MAP3K1: variants seen among roughly 807,000 people sequenced by gnomAD.
MAP3K1 encodes MAP/ERK kinase kinase 1.
In MAP3K1, 36 loss-of-function variants were observed where a neutral mutation model predicts 144.2. That is an observed-to-expected ratio of 0.25 (90% CI 0.19 to 0.33). The LOEUF (loss-of-function observed/expected upper bound fraction) is 0.33. Ranked by LOEUF, MAP3K1 falls within the 10% of genes least tolerant of loss-of-function variation. The pLI is 1.00. For synonymous variants in MAP3K1, 718 were observed against 688.7 expected, an observed-to-expected ratio of 1.04 and a Z score of -0.67; for missense variants, 1,650 against 1,881.9, an observed-to-expected ratio of 0.88 and a Z score of 2.28.
chr5:56,830,895 T>A (rs920422563), intron 1 of MAP3K1, among the ~76,000 whole-genome samples: 3 of 151,656 alleles, frequency 2.0e-5, no homozygotes, highest in African/African-American at 4.8e-5. Flanking sequence ...GTTTTTTTTT[T>A]AAATACCTAG....
intron 1 of MAP3K1, among the ~76,000 whole-genome samples, chr5:56,826,097 T>G (rs1490706118): frequency 6.6e-6 from 1 of 152,210 alleles, no homozygotes; most frequent in African/African-American, 2.4e-5. Flanking sequence ...ATTCCAGCTC[T>G]GTCCTGCAGC....
intron 1 of MAP3K1, among the ~76,000 whole-genome samples, chr5:56,818,593 T>A (rs1481648720): frequency 6.6e-6 from 1 of 152,180 alleles, no homozygotes; most frequent in Non-Finnish European, 1.5e-5. Context: ...TCAGTGAAAG[T>A]GCCTGTAAGT....
chr5:56,879,552 A>C (rs554701529), intron 11 of MAP3K1, among the ~76,000 whole-genome samples: 1 of 139,336 alleles, frequency 7.2e-6, no homozygotes, highest in Non-Finnish European at 1.6e-5. Context: ...TACTCTACTT[A>C]TGACAGTTTT....
At chr5:56,886,808 C>T (rs1421439700) in intron 17 of MAP3K1, among the ~76,000 whole-genome samples, 1 of 152,154 alleles carries the variant, frequency 6.6e-6, no homozygotes, top group Non-Finnish European at 1.5e-5. Flanking sequence ...GTCACTCAGG[C>T]TGGAGTGTAG....
In MAP3K1 at chr5:56,815,858, C is replaced by T. The variant is rs1227856608; in HGVS notation, c.285C>T (p.Pro95=). ...CCTCGACTTCCCCGTCGCCGGAGCCCGCGGACGCAGCGGGGAGTGGGACCG... is the reference window on the plus strand; with the variant it reads ...CCTCGACTTCCCCGTCGCCGGAGCCTGCGGACGCAGCGGGGAGTGGGACCG... The part of the protein sequence containing the change: ...PASSTSPSPE[P]ADAAGSGTGF... The change falls in exon 1 of 20, where the codon CCC becomes CCT. Residue 95 remains proline (P), a synonymous_variant. Transcript: ENST00000399503. 1.4e-6 allele frequency: 2 copies of T among 1,399,304 alleles called. No homozygotes were observed. The highest frequency in any genetic ancestry group is 1.5e-5 in the South Asian group (1 of 66,818). 86.7% of individuals were successfully genotyped at this position (1,399,304 alleles called of 1,614,324 possible). A position where few individuals can be genotyped will look rare whatever the true frequency, so the allele number is the denominator to read the frequency against.
chr5:56,819,874 AAT>A (rs1487851805), intron 1 of MAP3K1, among the ~76,000 whole-genome samples: 2 of 152,214 alleles, frequency 1.3e-5, no homozygotes, highest in South Asian at 2.1e-4. Context: ...GTAGACTATT[AAT>A]GTGAGGAAAT....
In MAP3K1 at chr5:56,887,451, A is replaced by C. The variant is rs777175997; in HGVS notation, c.4188A>C (p.Ala1396=). 6.2e-7 allele frequency: 1 copy of C among 1,614,212 alleles called. No homozygotes were observed. Among genetic ancestry groups the C allele is most frequent in the South Asian group, 1.1e-5 (1 of 91,092 alleles). Residue 1396 remains alanine, a synonymous_variant, in exon 18 of 20, where the codon GCA becomes GCC. Coordinates refer to ENST00000399503, the MANE Select transcript of MAP3K1 (RefSeq NM_005921.2). ...IADFGAAARL[A]SKGTGAGEFQ... is the part of the protein sequence containing the mutation. The stretch of plus-strand genomic sequence containing the variant: ...ATTTTGGAGCTGCAGCCAGGTTGGC[A>C]TCAAAAGGAACTGGTGCAGGAGAGT...
intron 1 of MAP3K1, among the ~76,000 whole-genome samples, chr5:56,828,965 T>C (rs1746401037): frequency 6.6e-6 from 1 of 152,148 alleles, no homozygotes; most frequent in Non-Finnish European, 1.5e-5. Flanking sequence ...AATTATATTT[T>C]GGGGGTTTTT....
chr5:56,820,252 G>C (rs1746113312), intron 1 of MAP3K1: 1 of 172,162 alleles, frequency 5.8e-6, no homozygotes, highest in African/African-American at 2.4e-5. Flanking sequence ...CATCTGAGAT[G>C]GTAAAACCTC....
In MAP3K1 at chr5:56,872,594, G is replaced by A. The variant is rs373080873; in HGVS notation, c.1424-47G>A. The A allele has an allele frequency of 1.2e-4, 134 of 1,074,854 alleles. 1 individual carries two copies. In the African/African-American group the frequency reaches 1.7e-3, roughly 14 times the overall value. The allele number at this position is 1,074,854 out of a possible 1,614,324, so 66.6% of individuals were successfully genotyped here. ...TAAACAGTTATGAAATAAAAATAAT[G>A]TTAAACATTTACATTTTTGTAAGAT... On this transcript the variant is annotated intron_variant, in intron 7 of 19. Coordinates refer to ENST00000399503, the MANE Select transcript of MAP3K1 (RefSeq NM_005921.2).
At chr5:56,884,480 A>C (rs1423351827) in intron 15 of MAP3K1, among the ~76,000 whole-genome samples, 184 bp from the exon 16 acceptor site, 3 of 152,152 alleles carry the variant, frequency 2.0e-5, no homozygotes, top group African/African-American at 7.2e-5. Context: ...TCTGATGTTT[A>C]CTGCTGCTTA....
At position 56,859,789 on chromosome 5, in the gene MAP3K1, C is replaced by A. The variant is rs1411868264; in HGVS notation, c.708C>A (p.Val236=). 1 of 1,613,982 alleles carries A rather than the reference C, an allele frequency of 6.2e-7. No individual in the cohort carries two copies. Among genetic ancestry groups the A allele is most frequent in the Non-Finnish European group, 8.5e-7 (1 of 1,179,974 alleles). ...NHLAAESPGE[V]QASAASPASK... is the part of the protein sequence containing the mutation. ...TAGCAGCTGAGTCTCCAGGAGAGGT[C>A]CAGGCAAGTGCGGCTTCACCAGCTT... Residue 236 remains valine (V), a synonymous_variant, in exon 3 of 20, where the codon GTC becomes GTA. Coordinates refer to ENST00000399503, the MANE Select transcript of MAP3K1 (RefSeq NM_005921.2).
chr5:56,829,448 A>C (rs1200968822), intron 1 of MAP3K1, among the ~76,000 whole-genome samples: 1 of 147,984 alleles, frequency 6.8e-6, no homozygotes, highest in Non-Finnish European at 1.5e-5. Context: ...TTGGCCTCCC[A>C]GAATGCCAGG....
At chr5:56,885,388 GTTC>G (rs10558478) in intron 16 of MAP3K1, among the ~76,000 whole-genome samples, 117,249 of 151,692 alleles carry the variant, frequency 0.77, 45,649 homozygotes, top group Non-Finnish European at 0.82. Flanking sequence ...TTACCAGTCA[GTTC>G]TTAAGTATGT....
intron 1 of MAP3K1, among the ~76,000 whole-genome samples, chr5:56,840,024 C>G (rs146518973): frequency 6.6e-6 from 1 of 152,218 alleles, no homozygotes; most frequent in Admixed American, 6.5e-5. Flanking sequence ...GCCATAGAAA[C>G]TTTCCCACTT....
chr5:56,859,860 G>A lies in MAP3K1; in HGVS notation c.779G>A (p.Arg260His), dbSNP rs768948038. The part of the protein sequence containing the change: ...SPSPGNSPSG[R>H]TVKSESPGVR... Reference sequence around the variant, plus strand: ...TCTCCTGGCAACTCCCCATCAGGTCGCACAGTGAAATCAGAATCTCCAGGA... The same window carrying A: ...TCTCCTGGCAACTCCCCATCAGGTCACACAGTGAAATCAGAATCTCCAGGA... Residue 260 changes from arginine (R) to histidine (H), a missense_variant, in exon 3 of 20, where the codon CGC becomes CAC. This residue lies in a region of MAP3K1 where 148 missense variants were observed against 177.2 expected (regional missense o/e 0.84). Coordinates refer to ENST00000399503, the MANE Select transcript of MAP3K1 (RefSeq NM_005921.2). 31 of 1,613,632 alleles carry A rather than the reference G, an allele frequency of 1.9e-5. 1 individual carries two copies. In the South Asian group the frequency reaches 2.6e-4, roughly 14 times the overall value.
Position 56,896,149 on chromosome 5 carries a change from C to A in MAP3K1, c.*2469C>A. The A allele has an allele frequency of 4.6e-6, 1 of 219,134 alleles. No individual in the cohort carries two copies. The highest frequency in any genetic ancestry group is 9.1e-6 in the Non-Finnish European group (1 of 109,410). 13.6% of individuals were successfully genotyped at this position (219,134 alleles called of 1,614,324 possible). ...TTTATAGTAAATAAAAGTTTTTGAA[C>A]AAATGTTGTTACTTTTATTTATTTT... On this transcript the variant is annotated 3_prime_UTR_variant, in exon 20 of 20. Transcript: ENST00000399503.
At position 56,815,720 on chromosome 5, in the gene MAP3K1, C is replaced by T. The variant is rs1561156277; in HGVS notation, c.147C>T (p.Ser49=). 7 of 1,331,282 alleles carry T rather than the reference C, an allele frequency of 5.3e-6. No individual in the cohort carries two copies. Among genetic ancestry groups the T allele is most frequent in the Non-Finnish European group, 6.7e-6 (7 of 1,040,330 alleles). 82.5% of individuals were successfully genotyped at this position (1,331,282 alleles called of 1,614,324 possible). The change falls in exon 1 of 20, where the codon AGC becomes AGT. Residue 49 remains serine, a synonymous_variant. Coordinates refer to ENST00000399503, the MANE Select transcript of MAP3K1 (RefSeq NM_005921.2). ...AAAGLLREAG[S]GGRERADWRR... is the part of the protein sequence containing the mutation. Reference sequence around the variant, plus strand: ...CGGGACTGCTGCGGGAGGCGGGCAGCGGGGGCCGCGAGCGGGCGGACTGGC... The same window carrying T: ...CGGGACTGCTGCGGGAGGCGGGCAGTGGGGGCCGCGAGCGGGCGGACTGGC...
rs1748651140 is a variant in MAP3K1, at chr5:56,894,681, A to G, written c.*1001A>G. On this transcript the variant is annotated 3_prime_UTR_variant, in exon 20 of 20. Coordinates refer to ENST00000399503, the MANE Select transcript of MAP3K1 (RefSeq NM_005921.2). ...AGTCTTACTCTGTATGTAACAATCC[A>G]TCATTCACCTTCACTACTGGTAGTA... 3 of 232,364 alleles carry G rather than the reference A, an allele frequency of 1.3e-5. No homozygotes were observed. Among genetic ancestry groups the G allele is most frequent in the South Asian group, 1.8e-4 (1 of 5,516 alleles). 14.4% of individuals were successfully genotyped at this position (232,364 alleles called of 1,614,324 possible).
Sources: gnomAD v4.1 joint callset for allele counts (sites outside exome capture counted in the v4.1 genomes callset) on GRCh38, gnomAD v4.1.1 for gene constraint, gnomAD v4.1.1 regional missense constraint, MANE v1.5 for transcripts, NCBI Gene and HGNC (gene_info 2026-07-23, HGNC 2026-07-21) for gene names.